Variants in NRK observed in about 807,000 individuals in gnomAD.
The protein encoded by NRK is nik-related protein kinase.
In NRK, 67 loss-of-function variants were observed where a neutral mutation model predicts 125.2. That is an observed-to-expected ratio of 0.54 (90% CI 0.44 to 0.66). NRK has a LOEUF of 0.66. Among genes scored for constraint, NRK ranks in the 30% least tolerant of loss-of-function variants. The pLI is 0.00. For missense variants in NRK, 1,224 were observed against 1,192.9 expected (o/e 1.03, Z -0.38); for synonymous variants, 458 against 429.0 (o/e 1.07, Z -0.84).
intron 8 of NRK, 30 bp from the exon 9 acceptor site, chrX:105,900,588 G>A (rs2040145507): frequency 1.8e-6 from 2 of 1,093,623 alleles, no homozygotes; most frequent in Non-Finnish European, 2.5e-6. Flanking sequence ...CTATTTTTAA[G>A]TGACTTTTTT....
chrX:105,947,219 G>A (rs2040825564), intron 26 of NRK, among the ~76,000 whole-genome samples: 1 of 56,656 alleles, frequency 1.8e-5, no homozygotes, highest in South Asian at 6.7e-4. Context: ...CGAGGCGGGC[G>A]GATCACGAGG....
intron 4 of NRK, among the ~76,000 whole-genome samples, chrX:105,885,428 C>T (rs1056523013): frequency 1.8e-5 from 2 of 112,491 alleles, no homozygotes; most frequent in Non-Finnish European, 3.8e-5. Context: ...CCTAAATGCA[C>T]AAACCAATTA....
intron 13 of NRK, among the ~76,000 whole-genome samples, chrX:105,911,235 A>G (rs1476999983): frequency 2.7e-5 from 3 of 112,219 alleles, no homozygotes; most frequent in African/African-American, 9.7e-5. Flanking sequence ...AAAATCCTTT[A>G]ATAAAAAGTG....
chrX:105,954,561 A>C (rs1277519643), intron 28 of NRK, among the ~76,000 whole-genome samples: 1 of 110,238 alleles, frequency 9.1e-6, no homozygotes, highest in East Asian at 2.8e-4. Context: ...ATCTTTTATC[A>C]AGCAAAATGT....
At chrX:105,913,808 T>C (rs1424919137) in intron 14 of NRK, among the ~76,000 whole-genome samples, 2 of 111,276 alleles carry the variant, frequency 1.8e-5, no homozygotes, top group Non-Finnish European at 3.8e-5. Context: ...TGGAATGCAG[T>C]TTGTGACAGG....
At chrX:105,874,528 G>C (rs2039788960) in intron 2 of NRK, among the ~76,000 whole-genome samples, 1 of 111,947 alleles carries the variant, frequency 8.9e-6, no homozygotes, top group South Asian at 3.7e-4. Context: ...GGGGAATTTG[G>C]TGTCGCATGA....
At chrX:105,942,196 G>A (rs7886680) in intron 23 of NRK, among the ~76,000 whole-genome samples, 75 of 111,680 alleles carry the variant, frequency 6.7e-4, no homozygotes, top group Non-Finnish European at 1.1e-3. Context: ...TCAGTTGATG[G>A]ACATTTGCAC....
At chrX:105,920,667 G>A (rs1158993661) in intron 16 of NRK, among the ~76,000 whole-genome samples, 19 of 109,915 alleles carry the variant, frequency 1.7e-4, no homozygotes, top group Non-Finnish European at 2.1e-4. Flanking sequence ...AAAAGTGGGC[G>A]AAGGACATGA....
At chrX:105,846,596 G>A (rs1294714365) in intron 2 of NRK, among the ~76,000 whole-genome samples, 4 of 111,502 alleles carry the variant, frequency 3.6e-5, no homozygotes, top group African/African-American at 1.3e-4. Flanking sequence ...TCCAGGTGAT[G>A]TAACATTGTT....
At chrX:105,911,781 G>A (rs193067272) in intron 13 of NRK, among the ~76,000 whole-genome samples, 1 of 111,714 alleles carries the variant, frequency 9.0e-6, no homozygotes, top group East Asian at 2.8e-4. Context: ...AATGGGTTTT[G>A]CATTTATGAA....
intron 14 of NRK, among the ~76,000 whole-genome samples, chrX:105,914,770 G>A (rs185990191): frequency 1.2e-4 from 13 of 107,686 alleles, no homozygotes; most frequent in African/African-American, 4.4e-4. Flanking sequence ...GTTTACTAAG[G>A]CTACTCTAGT....
chrX:105,846,646 G>A (rs1352711034), intron 2 of NRK, among the ~76,000 whole-genome samples: 1 of 111,309 alleles, frequency 9.0e-6, no homozygotes, highest in Non-Finnish European at 1.9e-5. Flanking sequence ...TCTTAGTGGA[G>A]ACAGAGATAG....
chrX:105,866,457 C>A lies in NRK; in HGVS notation c.124-13742C>A, dbSNP rs140623234. Among the ~76,000 whole-genome samples, 45 of 111,001 alleles carry A rather than the reference C, an allele frequency of 4.1e-4. 1 individual carries two copies. In the East Asian group the frequency reaches 0.012, roughly 31 times the overall value. On this transcript the variant is annotated intron_variant, in intron 2 of 28. Transcript: ENST00000243300. ...TGTTTCTTATGTGCTGTATTCTTTT[C>A]CAGCACGTAAGGGACATTTTGAAAA...
At chrX:105,941,520 A>T (rs1388429474) in intron 23 of NRK, among the ~76,000 whole-genome samples, 1 of 106,715 alleles carries the variant, frequency 9.4e-6, no homozygotes, top group African/African-American at 3.4e-5. Flanking sequence ...TGCAAAAGAA[A>T]ATGCAAGAGT....
At chrX:105,934,488 C>G in intron 20 of NRK, 44 bp downstream of exon 20, 1 of 835,209 alleles carries the variant, frequency 1.2e-6, no homozygotes. Context: ...TATCTGTTCA[C>G]TTATTAAATA....
chrX:105,921,032 G>GT (rs1279445758), intron 16 of NRK, among the ~76,000 whole-genome samples: 1 of 90,948 alleles, frequency 1.1e-5, no homozygotes, highest in Non-Finnish European at 2.2e-5. Context: ...ACATGCACAC[G>GT]TATGTTTATT....
At chrX:105,899,733 C>T (rs1004213017) in intron 8 of NRK, among the ~76,000 whole-genome samples, 6 of 111,229 alleles carry the variant, frequency 5.4e-5, no homozygotes, top group African/African-American at 1.6e-4. Flanking sequence ...AGTTAACCTC[C>T]GAGGCCGCAG....
Position 105,940,754 on chromosome X carries a change from C to T in NRK, c.3958+722C>T, listed in dbSNP as rs938243392. 3.6e-5 allele frequency among the ~76,000 whole-genome samples: 4 copies of T among 111,677 alleles called. No individual in the cohort carries two copies. In the Admixed American group the frequency reaches 3.8e-4, roughly 11 times the overall value. On this transcript the variant is annotated intron_variant, in intron 23 of 28. Transcript: ENST00000243300. ...TGTTCTATTTCTGAAGCAAATCCCC[C>T]TGTACTCTCAGCCTTCTTTTGCTTC...
chrX:105,908,212 A>G (rs371144539), intron 11 of NRK, 28 bp from the exon 12 acceptor site: 49 of 910,098 alleles, frequency 5.4e-5, no homozygotes, highest in Non-Finnish European at 7.1e-5. Flanking sequence ...CTGTTTATGC[A>G]TTATGTTTTT....
Sources: gnomAD v4.1 joint callset for allele counts (sites outside exome capture counted in the v4.1 genomes callset) on GRCh38, gnomAD v4.1.1 for gene constraint, MANE v1.5 for transcripts, NCBI Gene and HGNC (gene_info 2026-07-23, HGNC 2026-07-21) for gene names.